DNAH11: variants seen among roughly 807,000 people sequenced by gnomAD.
DNAH11 encodes the protein dynein axonemal heavy chain 11.
A neutral mutation model predicts 526.0 loss-of-function variants in DNAH11; 442 were observed. That is an observed-to-expected ratio of 0.84 (90% CI 0.78 to 0.91). DNAH11 has a LOEUF of 0.91. Ranked by LOEUF, DNAH11 falls within the 40% of genes least tolerant of loss-of-function variation. The pLI is 0.00. For missense variants in DNAH11, 6,989 were observed against 5,448.7 expected (o/e 1.28, Z -8.90); for synonymous variants, 2,461 against 1,935.9 (o/e 1.27, Z -7.12).
At chr7:21,644,102 A>G (rs552084489) in intron 28 of DNAH11, among the ~76,000 whole-genome samples, 1 of 152,330 alleles carries the variant, frequency 6.6e-6, no homozygotes, top group South Asian at 2.1e-4. Context: ...GAAATCCCCT[A>G]AATTACAGCG....
intron 63 of DNAH11, among the ~76,000 whole-genome samples, chr7:21,815,109 G>T (rs1472765769): frequency 6.6e-6 from 1 of 152,014 alleles, no homozygotes; most frequent in Non-Finnish European, 1.5e-5. Flanking sequence ...TTGATCCCTG[G>T]CTCTCTACTC....
intron 28 of DNAH11, among the ~76,000 whole-genome samples, chr7:21,652,142 C>T (rs1781804726): frequency 6.6e-6 from 1 of 152,162 alleles, no homozygotes; most frequent in African/African-American, 2.4e-5. Flanking sequence ...CAGACACCAC[C>T]AGAGAGAGTG....
chr7:21,816,399 T>C, intron 63 of DNAH11, 68 bp from the exon 64 acceptor site: 1 of 1,305,032 alleles, frequency 7.7e-7, no homozygotes, highest in Non-Finnish European at 1.1e-6. Flanking sequence ...CTTTGTTCTC[T>C]TCTTTTCTTG....
At chr7:21,651,255 G>T (rs1343892117) in intron 28 of DNAH11, among the ~76,000 whole-genome samples, 1 of 152,166 alleles carries the variant, frequency 6.6e-6, no homozygotes, top group Non-Finnish European at 1.5e-5. Context: ...AGCATCTTTA[G>T]GTAGGTAGGG....
At chr7:21,579,360 C>T (rs768992097) in intron 8 of DNAH11, among the ~76,000 whole-genome samples, 3 of 152,112 alleles carry the variant, frequency 2.0e-5, no homozygotes, top group Non-Finnish European at 4.4e-5. Flanking sequence ...GAAAAATAAA[C>T]CTGGCAGTTA....
intron 65 of DNAH11, among the ~76,000 whole-genome samples, chr7:21,822,957 CTTTTTTTTTTT>C (rs67284255): frequency 6.6e-5 from 4 of 60,562 alleles, no homozygotes; most frequent in Admixed American, 2.2e-4. Flanking sequence ...AGATTATTTG[CTTTTTTTTTTT>C]TTTTTTTTTT....
intron 29 of DNAH11, among the ~76,000 whole-genome samples, 182 bp downstream of exon 29, chr7:21,656,163 G>T (rs1782008550): frequency 1.3e-5 from 2 of 152,118 alleles, no homozygotes; most frequent in Non-Finnish European, 2.9e-5. Context: ...ATGCGTCCCA[G>T]TTTCTACTCA....
chr7:21,709,049 C>T (rs749226991), intron 40 of DNAH11, among the ~76,000 whole-genome samples: 10 of 152,128 alleles, frequency 6.6e-5, no homozygotes, highest in South Asian at 4.1e-4. Context: ...ACGGAACTAC[C>T]GTTTGACCCA....
At chr7:21,806,304 A>G (rs528993516) in intron 62 of DNAH11, among the ~76,000 whole-genome samples, 19 of 152,240 alleles carry the variant, frequency 1.2e-4, no homozygotes, top group Non-Finnish European at 2.6e-4. Context: ...CAAAAACAAC[A>G]AAGATAGAGG....
chr7:21,578,574 G>C (rs976430194), intron 8 of DNAH11, among the ~76,000 whole-genome samples: 1 of 152,154 alleles, frequency 6.6e-6, no homozygotes, highest in African/African-American at 2.4e-5. Flanking sequence ...GGAGGACAGT[G>C]ACCCTCTTCT....
Position 21,591,572 on chromosome 7 carries a change from G to T in DNAH11, c.2662G>T (p.Val888Phe). 2 of 1,558,410 alleles carry T rather than the reference G, an allele frequency of 1.3e-6. No homozygotes were observed. The highest frequency in any genetic ancestry group is 1.7e-6 in the Non-Finnish European group (2 of 1,149,072). The change falls in exon 14 of 82, where the codon GTC becomes TTC. Residue 888 changes from valine (V) to phenylalanine (F), a missense_variant. Coordinates refer to ENST00000409508, the MANE Select transcript of DNAH11 (RefSeq NM_001277115.2). ...QGDGCKIHNL[V>F]EENRKLFKAN... ...AGATGGCTGCAAGATCCACAACTTG[G>T]TCGAGGTAATGGCTTTTAACCTTTC... is the stretch of plus-strand genomic sequence containing the variant.
chr7:21,690,788 T>C lies in DNAH11; in HGVS notation c.5948T>C (p.Ile1983Thr), dbSNP rs1255884370. Residue 1983 changes from isoleucine to threonine, a missense_variant, in exon 35 of 82, where the codon ATC becomes ACC. Physicochemically the swap from Ile to Thr is moderately conservative, Grantham distance 89. Transcript: ENST00000409508. ...AGATTTGTATTTCTTGGGGAAGCTA[T>C]CACACTGAAGCCATCAGTTGGAATA... ...KKRFVFLGEAITLKPSVGIFI... is the reference protein window; with the variant it reads ...KKRFVFLGEATTLKPSVGIFI... The C allele has an allele frequency of 6.2e-7, 1 of 1,610,000 alleles. No homozygotes were observed. The highest frequency in any genetic ancestry group is 1.1e-5 in the South Asian group (1 of 89,850).
At chr7:21,609,222 T>C (rs2128449888) in intron 20 of DNAH11, among the ~76,000 whole-genome samples, 1 of 152,234 alleles carries the variant, frequency 6.6e-6, no homozygotes, top group East Asian at 1.9e-4. Context: ...GTTTTTCTTT[T>C]CTTTTCTTTC....
intron 63 of DNAH11, among the ~76,000 whole-genome samples, chr7:21,813,727 A>C (rs1361555104): frequency 1.3e-5 from 2 of 152,140 alleles, no homozygotes; most frequent in African/African-American, 4.8e-5. Flanking sequence ...TCCACCTCAT[A>C]GTAACATCCT....
At chr7:21,737,180 T>G (rs1489144143) in intron 46 of DNAH11, among the ~76,000 whole-genome samples, 1 of 152,178 alleles carries the variant, frequency 6.6e-6, no homozygotes, top group Non-Finnish European at 1.5e-5. Flanking sequence ...AGGACCAGCT[T>G]AAGCAAAGAC....
chr7:21,546,258 C>T (rs374720586), intron 2 of DNAH11, among the ~76,000 whole-genome samples: 1 of 152,218 alleles, frequency 6.6e-6, no homozygotes, highest in East Asian at 1.9e-4. Context: ...ACCAAAGTCT[C>T]TCACCCCTAA....
chr7:21,792,434 G>T (rs1166168136), intron 61 of DNAH11, among the ~76,000 whole-genome samples: 2 of 152,198 alleles, frequency 1.3e-5, no homozygotes, highest in African/African-American at 2.4e-5. Context: ...GAGTGTGGAA[G>T]TATTCCCTCT....
At chr7:21,736,495 T>G (rs1470550904) in intron 46 of DNAH11, among the ~76,000 whole-genome samples, 1 of 152,200 alleles carries the variant, frequency 6.6e-6, no homozygotes, top group Non-Finnish European at 1.5e-5. Flanking sequence ...TCCGGTTGTT[T>G]ATTAAAACTG....
chr7:21,841,691 G>C (rs2079071), intron 65 of DNAH11, among the ~76,000 whole-genome samples: 99,278 of 152,088 alleles, frequency 0.65, 32,801 homozygotes, highest in Non-Finnish European at 0.69. Flanking sequence ...CCAGGGTAGT[G>C]TGCAGCCACC....
Sources: allele counts gnomAD v4.1 joint callset (sites outside exome capture counted in the v4.1 genomes callset), GRCh38; gene constraint gnomAD v4.1.1; transcripts MANE v1.5; gene names NCBI Gene and HGNC (gene_info 2026-07-23, HGNC 2026-07-21).